Variants in HIVEP1 observed in about 807,000 individuals in gnomAD.
The protein encoded by HIVEP1 is zinc finger protein 40.
In HIVEP1, 36 loss-of-function variants were observed where a neutral mutation model predicts 180.0. The observed-to-expected ratio is 0.20, with a 90% CI of 0.15 to 0.26. HIVEP1 has a LOEUF of 0.26. Among genes scored for constraint, HIVEP1 ranks in the 10% least tolerant of loss-of-function variants. The pLI is 1.00. For synonymous variants in HIVEP1, 1,239 were observed against 1,239.0 expected (o/e 1.00, Z 0.00); for missense variants, 3,143 against 3,268.7 (o/e 0.96, Z 0.94).
chr6:12,124,414 C>T lies in HIVEP1; in HGVS notation c.4619C>T (p.Pro1540Leu). 1 of 1,614,100 alleles carries T rather than the reference C, an allele frequency of 6.2e-7. No individual in the cohort carries two copies. The highest frequency in any genetic ancestry group is 8.5e-7 in the Non-Finnish European group (1 of 1,179,978). The part of the protein sequence containing the change: ...SLQVSTQGSK[P>L]DKNSVLSGSS... ...CAAGTGTCTACGCAGGGTAGCAAGC[C>T]AGATAAAAATTCTGTTTTATCTGGG... The change falls in exon 4 of 9, where the codon CCA (proline) becomes CTA (leucine). Residue 1540 changes from proline to leucine, a missense_variant. Pro to Leu is a moderately conservative substitution (Grantham distance 98, BLOSUM62 -3). Coordinates refer to ENST00000379388, the MANE Select transcript of HIVEP1 (RefSeq NM_002114.4).
At chr6:12,073,622 G>A (rs533304689) in intron 2 of HIVEP1, among the ~76,000 whole-genome samples, 2 of 152,102 alleles carry the variant, frequency 1.3e-5, no homozygotes, top group Non-Finnish European at 2.9e-5. Flanking sequence ...AACACATCTA[G>A]TTTCTGCCAG....
At chr6:12,184,952 G>T in the HIVEP1 span, among the ~76,000 whole-genome samples, 1 of 152,148 alleles carries the variant, frequency 6.6e-6, no homozygotes, top group Non-Finnish European at 1.5e-5. Flanking sequence ...TCATACATGT[G>T]TACACACACA....
downstream of HIVEP1, among the ~76,000 whole-genome samples, chr6:12,168,260 G>A (rs62386829): frequency 0.039 from 1,187 of 30,562 alleles, 30 homozygotes; most frequent in African/African-American, 0.11. Context: ...AGATATACGT[G>A]TATATATACA....
intron 1 of HIVEP1, among the ~76,000 whole-genome samples, chr6:12,014,973 A>G (rs866941954): frequency 1.9e-4 from 29 of 152,320 alleles, no homozygotes; most frequent in Middle Eastern, 3.4e-3. Flanking sequence ...TGCTGTGGTA[A>G]TAACTAAATG....
At chr6:12,075,157 A>G (rs192862002) in intron 2 of HIVEP1, among the ~76,000 whole-genome samples, 230 of 152,350 alleles carry the variant, frequency 1.5e-3, no homozygotes, top group African/African-American at 5.2e-3. Context: ...AGACACGTGC[A>G]TGACACAGAT....
At chr6:12,023,307 T>C (rs1054525669) in intron 2 of HIVEP1, among the ~76,000 whole-genome samples, 5 of 152,328 alleles carry the variant, frequency 3.3e-5, no homozygotes, top group Admixed American at 2.6e-4. Flanking sequence ...GATTATCTTG[T>C]TGAGCTGATA....
the HIVEP1 span, among the ~76,000 whole-genome samples, chr6:12,208,346 T>A: frequency 2.6e-5 from 4 of 152,278 alleles, no homozygotes; most frequent in South Asian, 8.3e-4. Flanking sequence ...GCAACCTTGA[T>A]GACAGCAGTC....
At chr6:12,167,810 A>G (rs55975511), downstream of HIVEP1, among the ~76,000 whole-genome samples, 3,571 of 144,842 alleles carry the variant, frequency 0.025, 146 homozygotes, top group African/African-American at 0.082. Context: ...ATGTACATGT[A>G]TAGATGTGCG....
chr6:12,187,523 G>A, the HIVEP1 span, among the ~76,000 whole-genome samples: 421 of 151,990 alleles, frequency 2.8e-3, 2 homozygotes, highest in African/African-American at 9.7e-3. Context: ...GAAGCAGCTT[G>A]TGGCCCTTGC....
intron 2 of HIVEP1, among the ~76,000 whole-genome samples, chr6:12,048,418 C>A (rs1184535921): frequency 6.6e-6 from 1 of 152,204 alleles, no homozygotes; most frequent in Admixed American, 6.5e-5. Context: ...AGATGGCATA[C>A]ATTTCCAATA....
chr6:12,018,229 A>G (rs2113584389), intron 2 of HIVEP1, among the ~76,000 whole-genome samples: 1 of 152,286 alleles, frequency 6.6e-6, no homozygotes, highest in African/African-American at 2.4e-5. Flanking sequence ...GCTGGCCTAC[A>G]AGCGCCACGC....
chr6:12,141,727 G>T (rs1759049164), intron 7 of HIVEP1, among the ~76,000 whole-genome samples: 1 of 115,448 alleles, frequency 8.7e-6, no homozygotes, highest in African/African-American at 3.1e-5. Flanking sequence ...AAAAGCAGGG[G>T]TTGCAATCCT....
At chr6:12,112,054 C>G (rs1774930268) in intron 3 of HIVEP1, among the ~76,000 whole-genome samples, 1 of 152,020 alleles carries the variant, frequency 6.6e-6, no homozygotes, top group Non-Finnish European at 1.5e-5. Flanking sequence ...ATGTATAGAT[C>G]CACATTTAAG....
intron 3 of HIVEP1, among the ~76,000 whole-genome samples, chr6:12,089,565 G>C (rs1297428568): frequency 6.6e-6 from 1 of 151,870 alleles, no homozygotes; most frequent in Admixed American, 6.6e-5. Context: ...CCGTGTCCAT[G>C]CATGTGTGTT....
intron 7 of HIVEP1, among the ~76,000 whole-genome samples, chr6:12,159,772 T>G (rs1196845940): frequency 6.6e-6 from 1 of 152,206 alleles, no homozygotes; most frequent in Admixed American, 6.5e-5. Flanking sequence ...AGCAAAAGCC[T>G]TATGAAATCA....
chr6:12,125,916 G>A (rs1758041759), intron 4 of HIVEP1, 46 bp downstream of exon 4: 5 of 1,118,778 alleles, frequency 4.5e-6, no homozygotes, highest in Non-Finnish European at 5.2e-6. Context: ...GCGCAAATTT[G>A]TTTCCATGTG....
chr6:12,167,683 T>TATAATATATATACATATATACATATATAC (rs1760757431), downstream of HIVEP1, among the ~76,000 whole-genome samples: 1 of 104,104 alleles, frequency 9.6e-6, no homozygotes, highest in Non-Finnish European at 1.9e-5. Context: ...CATATATGTG[T>TATAATATATATACATATATACATATATAC]ATAATATATA....
At chr6:12,205,913 C>T in the HIVEP1 span, among the ~76,000 whole-genome samples, 1 of 152,076 alleles carries the variant, frequency 6.6e-6, no homozygotes, top group East Asian at 1.9e-4. Flanking sequence ...TCTGCAATCT[C>T]AGCTGCTGGA....
intron 2 of HIVEP1, among the ~76,000 whole-genome samples, chr6:12,071,230 G>A (rs1009169088): frequency 6.6e-6 from 1 of 152,118 alleles, no homozygotes; most frequent in African/African-American, 2.4e-5. Context: ...CACTTCCCTC[G>A]GTTATGTGTG....
Sources: gnomAD v4.1 joint callset for allele counts (sites outside exome capture counted in the v4.1 genomes callset) on GRCh38, gnomAD v4.1.1 for gene constraint, MANE v1.5 for transcripts, NCBI Gene and HGNC (gene_info 2026-07-23, HGNC 2026-07-21) for gene names.